STK3: variants seen among roughly 807,000 people sequenced by gnomAD.
STK3 encodes the protein serine/threonine-protein kinase 3.
A neutral mutation model predicts 58.0 loss-of-function variants in STK3; 41 were observed. That is an observed-to-expected ratio of 0.71 (90% confidence interval 0.55 to 0.92). STK3 has a LOEUF of 0.92. Ranked by LOEUF, STK3 falls within the 40% of genes least tolerant of loss-of-function variation. The probability of loss-of-function intolerance (pLI) is 0.00; values close to 1 mark genes in which losing one functional copy is unlikely to be tolerated. For missense variants in STK3, 479 were observed against 602.7 expected (o/e 0.79, Z 2.15); for synonymous variants, 170 against 191.0 (o/e 0.89, Z 0.91).
chr8:98,749,383 C>T lies in STK3; in HGVS notation c.244G>A (p.Val82Ile). Reference protein sequence around the residue: ...SIMQQCDSPYVVKYYGSYFKN... With the variant: ...SIMQQCDSPYIVKYYGSYFKN... ...AAATAACTGCCATAGTACTTTACAACATATGGGCTAAAGGAAAATACATAA... is the reference window on the plus strand; with the variant it reads ...AAATAACTGCCATAGTACTTTACAATATATGGGCTAAAGGAAAATACATAA... Residue 82 changes from valine to isoleucine, a missense_variant, in exon 4 of 11, where the codon GTT (valine) becomes ATT (isoleucine). Physicochemically the swap from Val to Ile is conservative, Grantham distance 29. Around this residue, in one of 3 missense-constraint regions of STK3, gnomAD observed 126 missense variants for 210.1 expected, o/e 0.60. Coordinates refer to ENST00000419617, the MANE Select transcript of STK3 (RefSeq NM_006281.4). 6.5e-7 allele frequency: 1 copy of T among 1,543,258 alleles called. No individual in the cohort carries two copies. The highest frequency in any genetic ancestry group is 8.8e-7 in the Non-Finnish European group (1 of 1,138,224).
chr8:98,442,012 C>T, intron 1 of STK3, among the ~76,000 whole-genome samples: 1 of 152,202 alleles, frequency 6.6e-6, no homozygotes, highest in East Asian at 1.9e-4. Context: ...CTCATTCTCG[C>T]ATCCCTAAAA....
chr8:98,705,503 T>G (rs1231907464), intron 6 of STK3, among the ~76,000 whole-genome samples: 1 of 152,182 alleles, frequency 6.6e-6, no homozygotes, highest in Non-Finnish European at 1.5e-5. Context: ...GTTACCTATA[T>G]TATCGAAATT....
At chr8:98,762,711 C>A (rs1483208462) in intron 3 of STK3, among the ~76,000 whole-genome samples, 3 of 152,226 alleles carry the variant, frequency 2.0e-5, no homozygotes, top group African/African-American at 7.2e-5. Flanking sequence ...ATGAAAAGTT[C>A]CTTCTCTGCA....
intron 9 of STK3, among the ~76,000 whole-genome samples, chr8:98,547,243 G>A (rs1810771470): frequency 6.6e-6 from 1 of 152,140 alleles, no homozygotes; most frequent in Non-Finnish European, 1.5e-5. Flanking sequence ...GTCAGTTGGT[G>A]CTAAGAGAAA....
chr8:98,768,850 T>C (rs897535278), intron 2 of STK3, among the ~76,000 whole-genome samples: 5 of 152,230 alleles, frequency 3.3e-5, no homozygotes, highest in Admixed American at 2.6e-4. Context: ...CTGACAGATA[T>C]GAAGTGCACA....
intron 1 of STK3, chr8:98,904,858 T>C (rs1838827489): frequency 1.5e-6 from 1 of 674,466 alleles, no homozygotes; most frequent in African/African-American, 1.8e-5. Flanking sequence ...TCTTAGGGAT[T>C]AGCAGAAGTA....
intron 1 of STK3, among the ~76,000 whole-genome samples, chr8:98,935,100 T>C (rs754995460): frequency 2.6e-5 from 4 of 151,518 alleles, no homozygotes; most frequent in Non-Finnish European, 4.4e-5. Context: ...CTACATTTCC[T>C]AGCCTCCGTT....
At chr8:98,604,861 C>T (rs1462615119) in intron 6 of STK3, among the ~76,000 whole-genome samples, 1 of 152,184 alleles carries the variant, frequency 6.6e-6, no homozygotes, top group Admixed American at 6.5e-5. Context: ...GCCAGGTCAC[C>T]TCTTGAACAC....
intron 1 of STK3, among the ~76,000 whole-genome samples, chr8:98,787,167 C>CAAAAAAAA (rs35568354): frequency 1.3e-4 from 3 of 22,688 alleles, no homozygotes; most frequent in African/African-American, 1.8e-4. Flanking sequence ...GACTCCACCT[C>CAAAAAAAA]AAAAAAAAAA....
chr8:98,348,552 G>T, the STK3 span, among the ~76,000 whole-genome samples: 1 of 152,102 alleles, frequency 6.6e-6, no homozygotes, highest in African/African-American at 2.4e-5. Context: ...AATACACCAA[G>T]AATTTTAAAA....
At chr8:98,401,753 C>T (rs552412171) in intron 3 of STK3, among the ~76,000 whole-genome samples, 4 of 152,318 alleles carry the variant, frequency 2.6e-5, no homozygotes, top group Non-Finnish European at 4.4e-5. Flanking sequence ...GTCTCATCTC[C>T]TCTCAGGTTG....
intron 1 of STK3, among the ~76,000 whole-genome samples, chr8:98,445,601 C>T (rs1016227075): frequency 6.6e-6 from 1 of 151,928 alleles, no homozygotes; most frequent in African/African-American, 2.4e-5. Flanking sequence ...TTTATGCATC[C>T]TTCTTTGTAA....
chr8:98,423,684 A>AG, intron 3 of STK3, among the ~76,000 whole-genome samples: 1 of 152,320 alleles, frequency 6.6e-6, no homozygotes, highest in Non-Finnish European at 1.5e-5. Context: ...CTGAAACACC[A>AG]GGGGGAAGGT....
At chr8:98,535,246 T>C (rs1222959571) in intron 9 of STK3, among the ~76,000 whole-genome samples, 1 of 152,198 alleles carries the variant, frequency 6.6e-6, no homozygotes, top group Non-Finnish European at 1.5e-5. Context: ...AAGGTTTCAC[T>C]GAAGCGTATT....
intron 4 of STK3, among the ~76,000 whole-genome samples, chr8:98,730,387 TG>T (rs1828086965): frequency 1.3e-5 from 2 of 152,276 alleles, no homozygotes; most frequent in African/African-American, 4.8e-5. Context: ...ATAGTGAAAA[TG>T]TCTCTTATAT....
At chr8:98,456,610 G>A (rs1819506459) in intron 10 of STK3, among the ~76,000 whole-genome samples, 1 of 152,242 alleles carries the variant, frequency 6.6e-6, no homozygotes, top group Admixed American at 6.5e-5. Context: ...TCCAGATTTG[G>A]TTTTCTTTTC....
intron 9 of STK3, among the ~76,000 whole-genome samples, chr8:98,544,355 C>T (rs1269730296): frequency 6.6e-6 from 1 of 152,076 alleles, no homozygotes; most frequent in African/African-American, 2.4e-5. Context: ...CTGTTTCCTT[C>T]CTGTACTATT....
intron 4 of STK3, among the ~76,000 whole-genome samples, chr8:98,731,296 G>GT (rs1828182589): frequency 6.6e-6 from 1 of 152,098 alleles, no homozygotes; most frequent in Non-Finnish European, 1.5e-5. Context: ...CACGGAAGCT[G>GT]TAAAGAAGAA....
At chr8:98,406,470 C>T (rs2131033623) in intron 3 of STK3, among the ~76,000 whole-genome samples, 1 of 152,136 alleles carries the variant, frequency 6.6e-6, no homozygotes, top group East Asian at 1.9e-4. Flanking sequence ...TCTAGGGTTC[C>T]CCAGTGTCTA....
Sources: allele counts gnomAD v4.1 joint callset (sites outside exome capture counted in the v4.1 genomes callset), GRCh38; gene constraint gnomAD v4.1.1; regional missense constraint gnomAD v4.1.1; transcripts MANE v1.5; gene names NCBI Gene and HGNC (gene_info 2026-07-23, HGNC 2026-07-21).